The following OR51B5 variants were observed in gnomAD, a reference collection of about 807,000 sequenced individuals.
OR51B5 encodes the protein olfactory receptor family 51 subfamily B member 5.
For synonymous variants in OR51B5, 186 were observed against 144.8 expected (o/e 1.28, Z -2.04); for missense variants, 456 against 374.6 (o/e 1.22, Z -1.79).
chr11:5,343,291 C>T (rs369884002), exon 1 of OR51B5: 23 of 1,611,912 alleles, frequency 1.4e-5, no homozygotes, highest in African/African-American at 9.3e-5. Flanking sequence ...CTCCCAGCAC[C>T]GTGGGCATTG....
At chr11:5,367,600 C>T (rs370534422) in intron 1 of OR51B5, among the ~76,000 whole-genome samples, 1 of 152,120 alleles carries the variant, frequency 6.6e-6, no homozygotes, top group Non-Finnish European at 1.5e-5. Context: ...AGCTTCTTTA[C>T]TGCAAACTGT....
intron 1 of OR51B5, among the ~76,000 whole-genome samples, chr11:5,504,512 T>C (rs772542882): frequency 2.6e-5 from 4 of 152,200 alleles, no homozygotes; most frequent in East Asian, 1.9e-4. Context: ...CCATGGCTGA[T>C]AGAGTGTAAG....
chr11:5,342,747 G>GAATC lies in OR51B5; in HGVS notation c.774_777dup (p.His260AspfsTer33), dbSNP rs1848916026. ...TGTGGAACCTGCTTTCCAAAACGAT[G>GAATC]AATCAGAGACAATCCAATCACTGTG... On this transcript the variant is annotated frameshift_variant, in exon 1 of 1. Coordinates refer to ENST00000300773, the Ensembl canonical transcript of OR51B5. LOFTEE classifies it low-confidence loss of function (END_TRUNC). The GAATC allele has an allele frequency of 6.2e-7, 1 of 1,613,516 alleles. No homozygotes were observed. The highest frequency in any genetic ancestry group is 1.3e-5 in the African/African-American group (1 of 74,892).
intron 1 of OR51B5, among the ~76,000 whole-genome samples, chr11:5,439,283 C>T (rs1404255160): frequency 1.3e-5 from 2 of 152,092 alleles, no homozygotes; most frequent in Non-Finnish European, 2.9e-5. Context: ...TCAAATTCTC[C>T]TCTGAAGCTA....
chr11:5,451,364 C>A (rs1313668768), intron 1 of OR51B5, among the ~76,000 whole-genome samples: 1 of 152,190 alleles, frequency 6.6e-6, no homozygotes, highest in African/African-American at 2.4e-5. Context: ...TGGCTTGGTT[C>A]TCTTCTATGT....
chr11:5,394,826 G>A (rs947880320), intron 1 of OR51B5, among the ~76,000 whole-genome samples: 1 of 152,174 alleles, frequency 6.6e-6, no homozygotes, highest in African/African-American at 2.4e-5. Flanking sequence ...GAAAGACAGA[G>A]TTTGTGTCTT....
chr11:5,412,113 C>T lies in OR51B5; in HGVS notation n.85-65203G>A, dbSNP rs564122753. ...ATAACAGCACAGACCTTTCTCTCCTCCTCCTCAAATTCAAGCTTCTCTGCT... is the reference window on the plus strand; with the variant it reads ...ATAACAGCACAGACCTTTCTCTCCTTCTCCTCAAATTCAAGCTTCTCTGCT... On this transcript the variant is annotated intron_variant and non_coding_transcript_variant, in intron 1 of 4. Coordinates refer to the OR51B5 transcript ENST00000415970. 4.6e-5 allele frequency among the ~76,000 whole-genome samples: 7 copies of T among 152,332 alleles called. No individual in the cohort carries two copies. The East Asian group carries it at 1.3e-3, about 29-fold the overall frequency.
intron 1 of OR51B5, among the ~76,000 whole-genome samples, chr11:5,369,608 A>C (rs1849421143): frequency 6.6e-6 from 1 of 152,172 alleles, no homozygotes; most frequent in African/African-American, 2.4e-5. Flanking sequence ...TGTATATTAA[A>C]TATAAAGTAA....
chr11:5,430,083 G>A (rs1367370889), intron 1 of OR51B5, among the ~76,000 whole-genome samples: 1 of 152,132 alleles, frequency 6.6e-6, no homozygotes, highest in Non-Finnish European at 1.5e-5. Flanking sequence ...ACAATTTATT[G>A]TTTGATCAAG....
intron 1 of OR51B5, among the ~76,000 whole-genome samples, chr11:5,464,905 A>G (rs1409029893): frequency 2.0e-5 from 3 of 152,216 alleles, no homozygotes; most frequent in African/African-American, 7.2e-5. Context: ...TCCCACCAAC[A>G]GTGTAAAAGT....
chr11:5,448,366 C>G (rs1850800414), intron 1 of OR51B5, among the ~76,000 whole-genome samples: 1 of 152,138 alleles, frequency 6.6e-6, no homozygotes, highest in Non-Finnish European at 1.5e-5. Flanking sequence ...TACCTTTCTG[C>G]TCTGATAGCA....
chr11:5,386,054 A>G (rs1415314830), intron 1 of OR51B5, among the ~76,000 whole-genome samples: 3 of 152,024 alleles, frequency 2.0e-5, no homozygotes, highest in African/African-American at 7.2e-5. Context: ...AGAAAGATGT[A>G]CCTAATGCTA....
At chr11:5,368,040 C>G (rs1849397239) in intron 1 of OR51B5, among the ~76,000 whole-genome samples, 1 of 152,174 alleles carries the variant, frequency 6.6e-6, no homozygotes, top group Admixed American at 6.5e-5. Flanking sequence ...ACAACTAACC[C>G]AAGCTTCACT....
intron 1 of OR51B5, among the ~76,000 whole-genome samples, chr11:5,381,085 G>T (rs11037120): frequency 0.11 from 16,192 of 151,140 alleles, 1,148 homozygotes; most frequent in East Asian, 0.24. Flanking sequence ...ACTTATACTG[G>T]CCCCTTGAAA....
chr11:5,477,117 T>C (rs578048786), intron 1 of OR51B5, among the ~76,000 whole-genome samples: 4 of 152,302 alleles, frequency 2.6e-5, no homozygotes, highest in Admixed American at 1.3e-4. Flanking sequence ...GATGTATATG[T>C]TTATGATATG....
intron 1 of OR51B5, chr11:5,489,474 C>G: frequency 6.2e-7 from 1 of 1,614,054 alleles, no homozygotes; most frequent in Non-Finnish European, 8.5e-7. Flanking sequence ...TTTTCTACAT[C>G]CCTGCCTTCT....
At chr11:5,402,812 C>T (rs1192698796) in intron 1 of OR51B5, 12 of 471,514 alleles carry the variant, frequency 2.5e-5, no homozygotes, top group Admixed American at 7.0e-5. Context: ...TGGCACTGGC[C>T]GAGGTTCGTG....
chr11:5,502,221 G>C (rs1393070982), intron 1 of OR51B5, among the ~76,000 whole-genome samples: 2 of 152,118 alleles, frequency 1.3e-5, no homozygotes, highest in Non-Finnish European at 2.9e-5. Context: ...TGTGTAAGTT[G>C]AGAATCAATG....
rs1233272574 is a variant in OR51B5, at chr11:5,440,704, G to C, written n.84+64865C>G. ...GACATCATGACATGAACAACAGGTG[G>C]AGCACTTTTCCAGAAGCGGTGAATC... On this transcript the variant is annotated intron_variant and non_coding_transcript_variant, in intron 1 of 4. Transcript: ENST00000415970. 5 of 1,613,818 alleles carry C rather than the reference G, an allele frequency of 3.1e-6. No homozygotes were observed. In the East Asian group the frequency reaches 1.1e-4, roughly 36 times the overall value.
Sources: gnomAD v4.1 joint callset for allele counts (sites outside exome capture counted in the v4.1 genomes callset) on GRCh38, gnomAD v4.1.1 for gene constraint, MANE v1.5 for transcripts, NCBI Gene and HGNC (gene_info 2026-07-23, HGNC 2026-07-21) for gene names.